IFT57: variants seen among roughly 807,000 people sequenced by gnomAD.
IFT57 encodes the protein intraflagellar transport 57.
In IFT57, 59 loss-of-function variants were observed where a neutral mutation model predicts 56.8. That is an observed-to-expected ratio of 1.04 (90% confidence interval 0.84 to 1.29). IFT57 has a LOEUF of 1.29. Ranked by LOEUF, IFT57 falls within the 50% of genes most tolerant of loss-of-function variation. The pLI is 0.00. For missense variants in IFT57, 470 were observed against 522.1 expected (o/e 0.90, Z 0.97); for synonymous variants, 209 against 186.1 (o/e 1.12, Z -1.00).
chr3:108,183,389 G>A (rs2080162434), intron 6 of IFT57, among the ~76,000 whole-genome samples: 2 of 152,226 alleles, frequency 1.3e-5, no homozygotes, highest in South Asian at 2.1e-4. Flanking sequence ...AGCCTCTGTA[G>A]CAATCAGCCC....
intron 4 of IFT57, among the ~76,000 whole-genome samples, chr3:108,210,019 T>A (rs2080335235): frequency 6.6e-6 from 1 of 152,154 alleles, no homozygotes; most frequent in Non-Finnish European, 1.5e-5. Context: ...TAAGAGAGCA[T>A]TCAAGAGGAA....
intron 6 of IFT57, among the ~76,000 whole-genome samples, chr3:108,169,650 G>A (rs985134935): frequency 4.6e-5 from 7 of 151,804 alleles, no homozygotes; most frequent in African/African-American, 1.7e-4. Flanking sequence ...TCCATCTTGA[G>A]CTAATTTTTG....
chr3:108,218,477 C>T, intron 3 of IFT57, 58 bp downstream of exon 3: 2 of 717,894 alleles, frequency 2.8e-6, no homozygotes, highest in Non-Finnish European at 4.7e-6. Context: ...AGCTCTGTAC[C>T]CTCAGAGGCA....
At chr3:108,208,441 ACTT>A (rs2080325109) in intron 4 of IFT57, among the ~76,000 whole-genome samples, 1 of 152,216 alleles carries the variant, frequency 6.6e-6, no homozygotes, top group Non-Finnish European at 1.5e-5. Context: ...ATCAATAGAT[ACTT>A]CTTAAACTAT....
At chr3:108,165,996 CAG>C (rs767844279) in intron 8 of IFT57, among the ~76,000 whole-genome samples, 13 of 151,984 alleles carry the variant, frequency 8.6e-5, no homozygotes, top group Non-Finnish European at 1.6e-4. Context: ...TGGCTTTGAT[CAG>C]AGAGTTTTAC....
At chr3:108,200,402 T>A (rs1292949883) in intron 5 of IFT57, among the ~76,000 whole-genome samples, 1 of 151,882 alleles carries the variant, frequency 6.6e-6, no homozygotes, top group Non-Finnish European at 1.5e-5. Context: ...TGGGTAAAGA[T>A]GAATCAGACA....
At chr3:108,222,045 G>A in intron 1 of IFT57, 66 bp downstream of exon 1, 2 of 1,547,826 alleles carry the variant, frequency 1.3e-6, no homozygotes, top group Non-Finnish European at 1.7e-6. Flanking sequence ...GTTCCCAGCA[G>A]GACCAAGGAG....
intron 6 of IFT57, among the ~76,000 whole-genome samples, chr3:108,179,812 A>G (rs184170665): frequency 5.3e-5 from 8 of 152,056 alleles, no homozygotes; most frequent in Admixed American, 4.6e-4. Context: ...TTTTTCTTCC[A>G]TTGCCAGCAG....
At chr3:108,210,931 G>A (rs1309084876) in intron 4 of IFT57, among the ~76,000 whole-genome samples, 5 of 152,150 alleles carry the variant, frequency 3.3e-5, no homozygotes, top group Non-Finnish European at 7.4e-5. Context: ...CTGCTTTCCA[G>A]TATATTTCTC....
chr3:108,180,195 TTACAAAC>T (rs2080144654), intron 6 of IFT57, among the ~76,000 whole-genome samples: 1 of 152,066 alleles, frequency 6.6e-6, no homozygotes, highest in African/African-American at 2.4e-5. Flanking sequence ...AAGGCTATCT[TTACAAAC>T]TACCATCTGT....
chr3:108,212,499 TA>T (rs748042435), intron 4 of IFT57, among the ~76,000 whole-genome samples: 6 of 152,200 alleles, frequency 3.9e-5, no homozygotes, highest in Non-Finnish European at 7.3e-5. Context: ...ACCATGATTG[TA>T]AGCTTCCTGA....
intron 6 of IFT57, among the ~76,000 whole-genome samples, chr3:108,187,154 G>A (rs1006828785): frequency 1.3e-5 from 2 of 152,030 alleles, no homozygotes; most frequent in Admixed American, 1.3e-4. Context: ...CCATTAATAT[G>A]GTCCATTCAA....
chr3:108,183,785 T>G (rs2080164461), intron 6 of IFT57, among the ~76,000 whole-genome samples: 1 of 152,140 alleles, frequency 6.6e-6, no homozygotes, highest in Non-Finnish European at 1.5e-5. Context: ...AAAAGAATAT[T>G]CTTCCTCAAG....
At position 108,220,078 on chromosome 3, in the gene IFT57, C is replaced by T. The variant is rs1342806709; in HGVS notation, c.213-506G>A. ...ATAAAAATACTGGTACTTGACCAAA[C>T]ATTGCTTCTTCCCTCATGAATGAAT... On this transcript the variant is annotated intron_variant, in intron 1 of 10. Transcript: ENST00000264538. Among the ~76,000 whole-genome samples the T allele has an allele frequency of 4.6e-5, 7 of 152,202 alleles. No homozygotes were observed. The East Asian group carries it at 5.8e-4, about 13-fold the overall frequency.
At chr3:108,191,739 A>G in intron 5 of IFT57, 96 bp from the exon 6 acceptor site, 1 of 654,066 alleles carries the variant, frequency 1.5e-6, no homozygotes, top group Non-Finnish European at 2.3e-6. Context: ...TAAATCAAGA[A>G]TTGGTAGTGT....
intron 6 of IFT57, among the ~76,000 whole-genome samples, chr3:108,188,263 G>A (rs990464307): frequency 6.6e-6 from 1 of 152,032 alleles, no homozygotes; most frequent in African/African-American, 2.4e-5. Flanking sequence ...TAACCAGATG[G>A]TTTATTTTTA....
rs143501340 is a variant in IFT57, at chr3:108,195,062, A to G, written c.655-3419T>C. Among the ~76,000 whole-genome samples, 377 of 152,296 alleles carry G rather than the reference A, an allele frequency of 2.5e-3. 4 individuals are homozygous for G. Among genetic ancestry groups the G allele is most frequent in the African/African-American group, 8.7e-3 (363 of 41,568 alleles). On this transcript the variant is annotated intron_variant, in intron 5 of 10. Coordinates refer to ENST00000264538, the MANE Select transcript of IFT57 (RefSeq NM_018010.4). ...ACAGAATGGGAGAAAATATTTGCAA[A>G]CTACCCATCTGAAAGGGGATTAACA...
chr3:108,163,194 C>T (rs888196748), intron 10 of IFT57, among the ~76,000 whole-genome samples: 18 of 152,018 alleles, frequency 1.2e-4, no homozygotes, highest in Non-Finnish European at 2.6e-4. Flanking sequence ...AGGATGATTA[C>T]CAGAGGATGA....
In IFT57 at chr3:108,195,097, T is replaced by C. The variant is rs544222814; in HGVS notation, c.655-3454A>G. On this transcript the variant is annotated intron_variant, in intron 5 of 10. Coordinates refer to ENST00000264538, the MANE Select transcript of IFT57 (RefSeq NM_018010.4). ...TGAAAGGGGATTAACAATCAGAATA[T>C]ATAAGAAGTTCAAACAACTCAGTAG... Among the ~76,000 whole-genome samples, 35 of 152,152 alleles carry C rather than the reference T, an allele frequency of 2.3e-4. 1 individual carries two copies. In the South Asian group the frequency reaches 5.4e-3, roughly 23 times the overall value.
Sources: allele counts gnomAD v4.1 joint callset (sites outside exome capture counted in the v4.1 genomes callset), GRCh38; gene constraint gnomAD v4.1.1; transcripts MANE v1.5; gene names NCBI Gene and HGNC (gene_info 2026-07-23, HGNC 2026-07-21).